The following CISD1 variants were observed in gnomAD, a reference collection of about 807,000 sequenced individuals.
CISD1 encodes CDGSH iron sulfur domain 1.
CISD1 carries 8 observed loss-of-function variants against 12.0 expected under a neutral mutation model. The ratio of observed to expected loss-of-function variants is 0.67; its 90% CI spans 0.39 to 1.20. The LOEUF is 1.20. Among genes scored for constraint, CISD1 ranks in the 50% most tolerant of loss-of-function variants. CISD1 has a pLI of 0.01. For missense variants in CISD1, 107 were observed against 132.7 expected (o/e 0.81, Z 0.95); for synonymous variants, 38 against 42.2 (o/e 0.90, Z 0.39).
In CISD1 at chr10:58,269,200, CT is replaced by C; in HGVS notation, c.-71del. On this transcript the variant is annotated 5_prime_UTR_variant, in exon 1 of 3. Coordinates refer to ENST00000333926, the MANE Select transcript of CISD1 (RefSeq NM_018464.5). ...CGGTGCTTTAGTACGCCGCTGGCAC[CT>C]TTACTCTCGCCGGCCGCGCGAACCC... 2.0e-6 allele frequency: 3 copies of C among 1,514,766 alleles called. No individual in the cohort carries two copies. In the South Asian group the frequency reaches 3.4e-5, roughly 17 times the overall value. 93.8% of individuals were successfully genotyped at this position (1,514,766 alleles called of 1,614,324 possible). A position where few individuals can be genotyped will look rare whatever the true frequency, so the allele number is the denominator to read the frequency against.
At position 58,279,304 on chromosome 10, in the gene CISD1, G is replaced by C. The variant is rs545423064; in HGVS notation, c.237+1982G>C. ...CCCAAGATAACCTCATTATGTATAT[G>C]CAGACATTTCAAAAGTTGAAAAAAT... On this transcript the variant is annotated intron_variant, in intron 2 of 2. Coordinates refer to ENST00000333926, the MANE Select transcript of CISD1 (RefSeq NM_018464.5). Among the ~76,000 whole-genome samples, 4 of 152,166 alleles carry C rather than the reference G, an allele frequency of 2.6e-5. No individual in the cohort carries two copies. In the East Asian group the frequency reaches 5.8e-4, roughly 22 times the overall value.
intron 1 of CISD1, among the ~76,000 whole-genome samples, chr10:58,276,668 C>G (rs1195859429): frequency 1.3e-5 from 2 of 150,324 alleles, no homozygotes; most frequent in South Asian, 2.1e-4. Flanking sequence ...AGGGATCTTA[C>G]TATTTAAATA....
At chr10:58,272,746 C>T (rs971455517) in intron 1 of CISD1, among the ~76,000 whole-genome samples, 3 of 152,060 alleles carry the variant, frequency 2.0e-5, no homozygotes, top group Admixed American at 6.6e-5. Context: ...GTGAAACCCC[C>T]GTCTCTACTA....
At chr10:58,271,412 A>G (rs1204065188) in intron 1 of CISD1, among the ~76,000 whole-genome samples, 1 of 152,196 alleles carries the variant, frequency 6.6e-6, no homozygotes, top group East Asian at 1.9e-4. Flanking sequence ...AAGCCTTTGT[A>G]AATCTCTTCT....
intron 2 of CISD1, among the ~76,000 whole-genome samples, chr10:58,284,802 A>G (rs964058549): frequency 6.6e-6 from 1 of 152,232 alleles, no homozygotes; most frequent in Non-Finnish European, 1.5e-5. Flanking sequence ...ATTAAAAAAT[A>G]AAAGTTAAAC....
intron 1 of CISD1, among the ~76,000 whole-genome samples, chr10:58,271,597 A>G (rs930722470): frequency 3.9e-5 from 6 of 152,240 alleles, no homozygotes; most frequent in Non-Finnish European, 8.8e-5. Flanking sequence ...ATTGGGGGAA[A>G]GATATCATGT....
Position 58,287,555 on chromosome 10 carries a change from T to C in CISD1, c.238-6T>C. 3.1e-6 allele frequency: 5 copies of C among 1,598,922 alleles called. No individual in the cohort carries two copies. The highest frequency in any genetic ancestry group is 4.3e-6 in the Non-Finnish European group (5 of 1,169,046). On this transcript the variant is annotated splice_polypyrimidine_tract_variant and splice_region_variant and intron_variant, in intron 2 of 2. Coordinates refer to ENST00000333926, the MANE Select transcript of CISD1 (RefSeq NM_018464.5). ...GATGTTTCACATTCATTCTTTCTCT[T>C]CCTAGTTCCCATTCTGTGATGGGGC...
intron 1 of CISD1, among the ~76,000 whole-genome samples, chr10:58,269,701 G>C (rs1020880513): frequency 6.6e-6 from 1 of 152,198 alleles, no homozygotes. Context: ...TCAGCGTCGG[G>C]CCACAACGTC....
chr10:58,283,267 TG>T (rs1212843881), intron 2 of CISD1, among the ~76,000 whole-genome samples: 1 of 152,196 alleles, frequency 6.6e-6, no homozygotes, highest in East Asian at 1.9e-4. Flanking sequence ...TGACATTCCT[TG>T]GCCAATCCAC....
chr10:58,286,396 A>G (rs1464020772), intron 2 of CISD1, among the ~76,000 whole-genome samples: 2 of 152,310 alleles, frequency 1.3e-5, no homozygotes, highest in East Asian at 1.9e-4. Flanking sequence ...GTGGGAAGCA[A>G]TAGCCTCCAG....
At chr10:58,280,794 G>C (rs1451902859) in intron 2 of CISD1, among the ~76,000 whole-genome samples, 1 of 152,220 alleles carries the variant, frequency 6.6e-6, no homozygotes, top group Non-Finnish European at 1.5e-5. Flanking sequence ...CAAAGTAGAA[G>C]AGGGAAAAGT....
intron 2 of CISD1, among the ~76,000 whole-genome samples, chr10:58,286,615 A>G (rs1839432923): frequency 6.6e-6 from 1 of 152,228 alleles, no homozygotes; most frequent in African/African-American, 2.4e-5. Context: ...ACAGAATGAA[A>G]CCAAATCAGA....
In CISD1 at chr10:58,271,189, G is replaced by A. The variant is rs568191414; in HGVS notation, c.31+1885G>A. ...CAAGTAGCTGGGACTACAGGCGCCC[G>A]CCACTACGCCCGGCTAATTTTTTGT... On this transcript the variant is annotated intron_variant, in intron 1 of 2. Transcript: ENST00000333926. 8.6e-5 allele frequency among the ~76,000 whole-genome samples: 13 copies of A among 150,764 alleles called. 1 individual carries two copies. The South Asian group carries it at 2.7e-3, about 32-fold the overall frequency.
At position 58,269,225 on chromosome 10, in the gene CISD1, C is replaced by G. The variant is rs2132274184; in HGVS notation, c.-49C>G. The G allele has an allele frequency of 1.3e-6, 2 of 1,595,930 alleles. No homozygotes were observed. Among genetic ancestry groups the G allele is most frequent in the South Asian group, 1.1e-5 (1 of 90,844 alleles). ...CTTTACTCTCGCCGGCCGCGCGAAC[C>G]CGTTTGAGCTCGGTATCCTAGTGCA... On this transcript the variant is annotated 5_prime_UTR_variant, in exon 1 of 3. Transcript: ENST00000333926.
intron 1 of CISD1, among the ~76,000 whole-genome samples, chr10:58,269,724 T>A (rs1839221282): frequency 6.6e-6 from 1 of 152,224 alleles, no homozygotes; most frequent in South Asian, 2.1e-4. Context: ...TTTCCTGCAA[T>A]CCTGAAGCAT....
intron 2 of CISD1, among the ~76,000 whole-genome samples, chr10:58,284,320 T>TAA (rs796747642): frequency 9.3e-5 from 13 of 139,680 alleles, no homozygotes; most frequent in Admixed American, 3.6e-4. Flanking sequence ...TTTAATCTCT[T>TAA]AAAAAAAAAA....
chr10:58,277,968 T>C (rs189322294), intron 2 of CISD1, among the ~76,000 whole-genome samples: 10 of 152,344 alleles, frequency 6.6e-5, no homozygotes, highest in African/African-American at 2.4e-4. Flanking sequence ...GTCCTATACC[T>C]TCTTTCAGCT....
At position 58,286,124 on chromosome 10, in the gene CISD1, G is replaced by C. The variant is rs189940075; in HGVS notation, c.238-1437G>C. ...GGAGTCTGAGGCAGGAGAATGGCGT[G>C]AACCCAGGAGGCGGAGCTTGCAGTG... On this transcript the variant is annotated intron_variant, in intron 2 of 2. Transcript: ENST00000333926. Among the ~76,000 whole-genome samples, 332 of 150,684 alleles carry C rather than the reference G, an allele frequency of 2.2e-3. 1 individual carries two copies. Among genetic ancestry groups the C allele is most frequent in the African/African-American group, 7.8e-3 (320 of 41,026 alleles).
chr10:58,273,680 T>C (rs1315405314), intron 1 of CISD1, among the ~76,000 whole-genome samples: 2 of 151,990 alleles, frequency 1.3e-5, no homozygotes, highest in African/African-American at 4.8e-5. Context: ...AATAAGCAAA[T>C]GGGAGGATTA....
Sources: gnomAD v4.1 joint callset for allele counts (sites outside exome capture counted in the v4.1 genomes callset) on GRCh38, gnomAD v4.1.1 for gene constraint, MANE v1.5 for transcripts, NCBI Gene and HGNC (gene_info 2026-07-23, HGNC 2026-07-21) for gene names.